HHAT: variants seen among roughly 807,000 people sequenced by gnomAD.
The protein encoded by HHAT is protein-cysteine N-palmitoyltransferase HHAT.
In HHAT, 47 loss-of-function variants were observed where a neutral mutation model predicts 70.8. The observed-to-expected ratio is 0.66, with a 90% CI of 0.53 to 0.85. The LOEUF is 0.85. Ranked by LOEUF, HHAT falls within the 40% of genes least tolerant of loss-of-function variation. HHAT has a pLI of 0.00. For synonymous variants in HHAT, 228 were observed against 247.6 expected (o/e 0.92, Z 0.74); for missense variants, 609 against 604.8 (o/e 1.01, Z -0.07).
chr1:210,572,358 A>C (rs1052123117), intron 9 of HHAT, among the ~76,000 whole-genome samples: 3 of 151,980 alleles, frequency 2.0e-5, no homozygotes, highest in African/African-American at 7.3e-5. Flanking sequence ...AAAGACCTTT[A>C]TTTTCCTTCT....
chr1:210,497,184 G>A (rs913119532), intron 8 of HHAT, among the ~76,000 whole-genome samples: 6 of 152,168 alleles, frequency 3.9e-5, no homozygotes, highest in Non-Finnish European at 7.3e-5. Flanking sequence ...AAACATAAAG[G>A]TATGCCCTAC....
At position 210,444,318 on chromosome 1, in the gene HHAT, G is replaced by A. The variant is rs1370739202; in HGVS notation, c.857-20187G>A. 2.2e-5 allele frequency among the ~76,000 whole-genome samples: 3 copies of A among 134,120 alleles called. No homozygotes were observed. The East Asian group carries it at 6.6e-4, about 29-fold the overall frequency. The allele number at this position is 134,120 out of a possible 152,430, so 88.0% of individuals were successfully genotyped here. ...TGGTCTAAAATTCTCTTTTTTTGTT[G>A]TGTCTCTGCCTCGCTTTGGTATCAG... is the stretch of plus-strand genomic sequence containing the variant. On this transcript the variant is annotated intron_variant, in intron 7 of 11. Coordinates refer to ENST00000261458, the MANE Select transcript of HHAT (RefSeq NM_018194.6).
chr1:210,530,578 A>AT (rs2095304411), intron 9 of HHAT, among the ~76,000 whole-genome samples: 2 of 152,206 alleles, frequency 1.3e-5, no homozygotes, highest in South Asian at 4.1e-4. Flanking sequence ...ATAAGGAGTT[A>AT]TTAACGGAGC....
chr1:210,538,421 T>A (rs985376849), intron 9 of HHAT, among the ~76,000 whole-genome samples: 1 of 152,160 alleles, frequency 6.6e-6, no homozygotes, highest in Admixed American at 6.5e-5. Flanking sequence ...TTTAAAACTT[T>A]AGTCTCATGT....
intron 11 of HHAT, 61 bp downstream of exon 11, chr1:210,623,731 A>C: frequency 6.6e-7 from 1 of 1,526,294 alleles, no homozygotes; most frequent in African/African-American, 1.4e-5. Flanking sequence ...TGCGGATGGG[A>C]TCATACATGG....
chr1:210,569,108 T>C (rs1390908515), intron 9 of HHAT, among the ~76,000 whole-genome samples: 1 of 152,088 alleles, frequency 6.6e-6, no homozygotes, highest in Admixed American at 6.5e-5. Flanking sequence ...GCACAATGGC[T>C]CATGCCTGTA....
chr1:210,622,794 A>G (rs1669104551), intron 10 of HHAT, among the ~76,000 whole-genome samples: 3 of 152,178 alleles, frequency 2.0e-5, no homozygotes, highest in Non-Finnish European at 1.5e-5. Context: ...ATGGCTTCCC[A>G]GGGTCAGTGT....
intron 8 of HHAT, among the ~76,000 whole-genome samples, chr1:210,510,610 G>A (rs2094937034): frequency 6.6e-6 from 1 of 152,206 alleles, no homozygotes; most frequent in Non-Finnish European, 1.5e-5. Flanking sequence ...ATGAAAGGCA[G>A]TGAGAACCCT....
At chr1:210,546,801 G>C (rs1280656982) in intron 9 of HHAT, among the ~76,000 whole-genome samples, 5 of 152,182 alleles carry the variant, frequency 3.3e-5, no homozygotes, top group Non-Finnish European at 5.9e-5. Context: ...AAGTGGGAAT[G>C]GGGAGGTTGG....
chr1:210,419,048 T>G (rs10863828), intron 7 of HHAT, among the ~76,000 whole-genome samples: 44,663 of 151,806 alleles, frequency 0.29, 7,061 homozygotes, highest in African/African-American at 0.41. Context: ...AAGAATGAGT[T>G]TCAGGATCAC....
intron 11 of HHAT, among the ~76,000 whole-genome samples, chr1:210,648,505 C>A (rs1006670850): frequency 3.3e-5 from 5 of 152,190 alleles, no homozygotes; most frequent in African/African-American, 1.2e-4. Flanking sequence ...GTATTTGTTT[C>A]TTCTCTTCTG....
At chr1:210,485,331 T>C (rs1265738980) in intron 8 of HHAT, among the ~76,000 whole-genome samples, 1 of 152,300 alleles carries the variant, frequency 6.6e-6, no homozygotes. Flanking sequence ...CTCTGTAGAC[T>C]CAGGGTCAGC....
At chr1:210,429,868 T>G (rs1014071893) in intron 7 of HHAT, among the ~76,000 whole-genome samples, 1 of 151,932 alleles carries the variant, frequency 6.6e-6, no homozygotes. Context: ...TTGGTGAAAC[T>G]TGCTTGAATC....
chr1:210,569,595 CCT>C (rs1655728017), intron 9 of HHAT, among the ~76,000 whole-genome samples: 1 of 151,942 alleles, frequency 6.6e-6, no homozygotes, highest in African/African-American at 2.4e-5. Context: ...TAATCTTTTT[CCT>C]CTGACACTGA....
At chr1:210,491,064 A>AGTGTGTGTGT (rs1553242999) in intron 8 of HHAT, among the ~76,000 whole-genome samples, 1 of 36,182 alleles carries the variant, frequency 2.8e-5, no homozygotes, top group South Asian at 6.2e-4. Flanking sequence ...ACACACACAT[A>AGTGTGTGTGT]GTGTGTGTGT....
intron 6 of HHAT, among the ~76,000 whole-genome samples, chr1:210,406,475 C>A (rs112241948): frequency 0.17 from 25,655 of 151,408 alleles, 2,409 homozygotes; most frequent in Admixed American, 0.23. Context: ...CTTACTGCAA[C>A]CTCCACCTCC....
chr1:210,460,077 A>G (rs1384838026), intron 7 of HHAT, among the ~76,000 whole-genome samples: 1 of 152,198 alleles, frequency 6.6e-6, no homozygotes, highest in Non-Finnish European at 1.5e-5. Flanking sequence ...GCTTCTTTAT[A>G]TGACAACTGG....
At chr1:210,341,003 C>T (rs1197183433) in intron 1 of HHAT, among the ~76,000 whole-genome samples, 2 of 152,178 alleles carry the variant, frequency 1.3e-5, no homozygotes, top group Non-Finnish European at 2.9e-5. Context: ...TCAGAAGCAC[C>T]AACCTCAAAG....
At position 210,418,168 on chromosome 1, in the gene HHAT, G is replaced by A. The variant is rs150402482; in HGVS notation, c.699G>A (p.Glu233=). The change falls in exon 7 of 12, where the codon GAG becomes GAA. Residue 233 remains glutamate (E), a synonymous_variant. Transcript: ENST00000261458. The stretch of plus-strand genomic sequence containing the variant: ...TTCCACTTTAGATGCAGCAGCAGGA[G>A]CATGACTCCCTGAAGGCCAGCCTGT... The part of the protein sequence containing the change: ...SEFIKQMQQQ[E]HDSLKASLCV... 22,021 of 1,614,144 alleles carry A rather than the reference G, an allele frequency of 0.014. 206 individuals carry two copies. Among genetic ancestry groups the A allele is most frequent in the Middle Eastern group, 0.022 (135 of 6,062 alleles).
Sources: gnomAD v4.1 joint callset for allele counts (sites outside exome capture counted in the v4.1 genomes callset) on GRCh38, gnomAD v4.1.1 for gene constraint, MANE v1.5 for transcripts, NCBI Gene and HGNC (gene_info 2026-07-23, HGNC 2026-07-21) for gene names.